RRAS2: variants seen among roughly 807,000 people sequenced by gnomAD.
RRAS2 encodes ras-related protein R-Ras2.
A neutral mutation model predicts 27.6 loss-of-function variants in RRAS2; 7 were observed. That is an observed-to-expected ratio of 0.25 (90% CI 0.14 to 0.48). RRAS2 has a LOEUF of 0.48. Among genes scored for constraint, RRAS2 ranks in the 20% least tolerant of loss-of-function variants. RRAS2 has a pLI of 0.99. For synonymous variants in RRAS2, 86 were observed against 90.9 expected (o/e 0.95, Z 0.31); for missense variants, 178 against 256.2 (o/e 0.69, Z 2.08).
At chr11:14,355,349 G>C (rs1427675746) in intron 1 of RRAS2, among the ~76,000 whole-genome samples, 1 of 152,126 alleles carries the variant, frequency 6.6e-6, no homozygotes, top group Non-Finnish European at 1.5e-5. Context: ...GTACCATCCT[G>C]AAGTCATTTC....
chr11:14,328,167 A>G, intron 1 of RRAS2, among the ~76,000 whole-genome samples: 1 of 152,150 alleles, frequency 6.6e-6, no homozygotes, highest in East Asian at 1.9e-4. Flanking sequence ...CAGGAGTTCG[A>G]GACCAGCCTG....
intron 1 of RRAS2, among the ~76,000 whole-genome samples, chr11:14,324,886 G>C (rs782766964): frequency 2.0e-5 from 3 of 152,164 alleles, no homozygotes; most frequent in Admixed American, 1.3e-4. Flanking sequence ...GCAGATCATA[G>C]GGGAAGCATA....
At chr11:14,333,706 G>A (rs991205104) in intron 1 of RRAS2, among the ~76,000 whole-genome samples, 12 of 142,900 alleles carry the variant, frequency 8.4e-5, no homozygotes, top group Non-Finnish European at 1.7e-4. Context: ...CAGTGGCAGC[G>A]ATCACAGCTC....
At position 14,329,994 on chromosome 11, in the gene RRAS2, C is replaced by G. The variant is rs1279175562; in HGVS notation, c.108+28769G>C. On this transcript the variant is annotated intron_variant, in intron 1 of 5. Transcript: ENST00000256196. ...AGGGGCTGAAGCAGATGGACTGCTT[C>G]AGCCCAAGAGTTCGAGCCTATAGTA... Among the ~76,000 whole-genome samples the G allele has an allele frequency of 1.3e-5, 2 of 152,090 alleles. 1 individual carries two copies. The highest frequency in any genetic ancestry group is 4.8e-5 in the African/African-American group (2 of 41,434).
Position 14,279,155 on chromosome 11 carries a change from A to T in RRAS2, c.*182T>A, listed in dbSNP as rs1453045746. Reference sequence around the variant, plus strand: ...TTGAAGCAGCCTTAGTGTTTCCTTTAAATTTGTCTGGAAATGACCATTGTA... The same window carrying T: ...TTGAAGCAGCCTTAGTGTTTCCTTTTAATTTGTCTGGAAATGACCATTGTA... On this transcript the variant is annotated 3_prime_UTR_variant, in exon 6 of 6. Transcript: ENST00000256196. 8.7e-6 allele frequency: 5 copies of T among 575,524 alleles called. No homozygotes were observed. The highest frequency in any genetic ancestry group is 1.6e-5 in the Non-Finnish European group (5 of 320,326). The allele number at this position is 575,524 out of a possible 1,614,324, so 35.7% of individuals were successfully genotyped here. A position where few individuals can be genotyped will look rare whatever the true frequency, so the allele number is the denominator to read the frequency against.
intron 1 of RRAS2, among the ~76,000 whole-genome samples, chr11:14,326,712 G>T (rs935829311): frequency 6.6e-6 from 1 of 152,094 alleles, no homozygotes; most frequent in Admixed American, 6.6e-5. Flanking sequence ...CTCCTATGTC[G>T]TATCTTAAAT....
intron 4 of RRAS2, among the ~76,000 whole-genome samples, chr11:14,289,592 C>G (rs1348732201): frequency 1.3e-5 from 2 of 152,186 alleles, no homozygotes; most frequent in Admixed American, 6.5e-5. Context: ...GCTGGTAATA[C>G]TAAACAACCA....
At chr11:14,326,734 T>G (rs183766788) in intron 1 of RRAS2, among the ~76,000 whole-genome samples, 1 of 152,066 alleles carries the variant, frequency 6.6e-6, no homozygotes. Flanking sequence ...ACTTATAACA[T>G]CAAAAAGAAA....
intron 1 of RRAS2, among the ~76,000 whole-genome samples, chr11:14,326,781 C>T (rs1282817288): frequency 6.2e-5 from 1 of 16,238 alleles, no homozygotes; most frequent in African/African-American, 1.1e-4. Context: ...ATGATTTTGG[C>T]CGGGCGCGGT....
At chr11:14,362,033 A>C (rs1849196547), upstream of RRAS2, among the ~76,000 whole-genome samples, 1 of 152,248 alleles carries the variant, frequency 6.6e-6, no homozygotes, top group African/African-American at 2.4e-5. Context: ...AAGGTCCAGA[A>C]TAGGCAAATC....
intron 1 of RRAS2, chr11:14,336,945 C>A (rs543161541): frequency 5.3e-5 from 8 of 152,206 alleles, no homozygotes; most frequent in South Asian, 4.2e-4. Context: ...CATAATTAAA[C>A]TTCTAAAAAC....
At chr11:14,347,639 G>A (rs1848864567) in intron 1 of RRAS2, among the ~76,000 whole-genome samples, 1 of 152,004 alleles carries the variant, frequency 6.6e-6, no homozygotes, top group South Asian at 2.1e-4. Flanking sequence ...GGGCAACATA[G>A]CGAGACCTCG....
chr11:14,358,468 G>A lies in RRAS2; in HGVS notation c.108+295C>T. On this transcript the variant is annotated intron_variant, in intron 1 of 5. Coordinates refer to ENST00000256196, the MANE Select transcript of RRAS2 (RefSeq NM_012250.6). The surrounding 1 kb of genome is among the most constrained non-coding windows in gnomAD (Gnocchi z 5.1). ...GGCCCAGCCTCTCCCGGAGGTCTCT[G>A]GCCTCGGCCAGAGCAATAAGGTGGA... 1 of 985,562 alleles carries A rather than the reference G, an allele frequency of 1.0e-6. No individual in the cohort carries two copies. The highest frequency in any genetic ancestry group is 1.2e-6 in the Non-Finnish European group (1 of 830,112). 61.1% of individuals were successfully genotyped at this position (985,562 alleles called of 1,614,324 possible).
intron 4 of RRAS2, among the ~76,000 whole-genome samples, chr11:14,292,429 C>A (rs1413659275): frequency 6.6e-6 from 1 of 152,024 alleles, no homozygotes; most frequent in Non-Finnish European, 1.5e-5. Flanking sequence ...AAGAGAACTC[C>A]TTCAATGCAC....
intron 1 of RRAS2, among the ~76,000 whole-genome samples, chr11:14,330,671 C>G (rs1326801538): frequency 6.6e-6 from 1 of 151,706 alleles, no homozygotes; most frequent in Non-Finnish European, 1.5e-5. Flanking sequence ...ATTTTTTTTT[C>G]AGATGATATA....
At chr11:14,311,563 C>CA (rs1250716483) in intron 1 of RRAS2, among the ~76,000 whole-genome samples, 1 of 151,820 alleles carries the variant, frequency 6.6e-6, no homozygotes, top group African/African-American at 2.4e-5. Flanking sequence ...GACGGGGTTT[C>CA]ACCATGTTGG....
At chr11:14,327,671 C>T (rs776025728) in intron 1 of RRAS2, among the ~76,000 whole-genome samples, 1 of 152,104 alleles carries the variant, frequency 6.6e-6, no homozygotes, top group Non-Finnish European at 1.5e-5. Flanking sequence ...CACAACATAA[C>T]CCAAACAATA....
upstream of RRAS2, among the ~76,000 whole-genome samples, chr11:14,361,443 C>T (rs545173180): frequency 2.6e-5 from 4 of 152,094 alleles, no homozygotes; most frequent in African/African-American, 7.2e-5. Context: ...GCAGGAGGAT[C>T]GCTGGAACCT....
At chr11:14,324,991 C>CT (rs1226706344) in intron 1 of RRAS2, among the ~76,000 whole-genome samples, 1 of 152,192 alleles carries the variant, frequency 6.6e-6, no homozygotes, top group Non-Finnish European at 1.5e-5. Context: ...TCATAAATCT[C>CT]TAAGCACAGC....
Sources: allele counts gnomAD v4.1 joint callset (sites outside exome capture counted in the v4.1 genomes callset), GRCh38; gene constraint gnomAD v4.1.1; non-coding constraint Gnocchi (gnomAD v3.1); transcripts MANE v1.5; gene names NCBI Gene and HGNC (gene_info 2026-07-23, HGNC 2026-07-21).